The following MYOT variants were observed in gnomAD, a reference collection of about 807,000 sequenced individuals.
The protein encoded by MYOT is myotilin.
In MYOT, 36 loss-of-function variants were observed where a neutral mutation model predicts 58.0. The observed-to-expected ratio is 0.62, with a 90% CI of 0.48 to 0.82. The LOEUF is 0.82. MYOT is among the 40% of genes least tolerant of loss of function. The pLI, the probability that MYOT is intolerant of heterozygous loss-of-function variation, is 0.00. For synonymous variants in MYOT, 218 were observed against 204.6 expected, an observed-to-expected ratio of 1.07 and a Z score of -0.56; for missense variants, 505 against 592.1, an observed-to-expected ratio of 0.85 and a Z score of 1.53.
chr5:137,876,303 T>G, intron 3 of MYOT: 1 of 383,448 alleles, frequency 2.6e-6, no homozygotes. Flanking sequence ...TAGGAATTAC[T>G]GTCAAGTCAA....
intron 7 of MYOT, among the ~76,000 whole-genome samples, chr5:137,885,176 G>A (rs1021134765): frequency 1.3e-5 from 2 of 152,176 alleles, no homozygotes; most frequent in African/African-American, 4.8e-5. Flanking sequence ...CTCCCCTCAG[G>A]TAGCTGAAAA....
At chr5:137,880,965 C>T in intron 5 of MYOT, 100 bp downstream of exon 5, 1 of 870,142 alleles carries the variant, frequency 1.1e-6, no homozygotes, top group Non-Finnish European at 1.8e-6. Context: ...TACTCTATAC[C>T]TTTTGAAAAA....
At chr5:137,880,401 G>C (rs1045544627) in intron 4 of MYOT, among the ~76,000 whole-genome samples, 2 of 152,270 alleles carry the variant, frequency 1.3e-5, no homozygotes, top group African/African-American at 4.8e-5. Flanking sequence ...TGCCACTTTT[G>C]AGCAGCAGGC....
At chr5:137,881,018 T>G (rs1314751478) in intron 5 of MYOT, among the ~76,000 whole-genome samples, 153 bp downstream of exon 5, 1 of 152,212 alleles carries the variant, frequency 6.6e-6, no homozygotes, top group Non-Finnish European at 1.5e-5. Flanking sequence ...GACCAAAATT[T>G]TGACGTTCAT....
chr5:137,882,136 A>G (rs372932697), intron 6 of MYOT, 31 bp downstream of exon 6: 2 of 1,612,108 alleles, frequency 1.2e-6, no homozygotes, highest in East Asian at 4.5e-5. Flanking sequence ...TACTGGGGGA[A>G]AATTAACAAT....
intron 1 of MYOT, among the ~76,000 whole-genome samples, chr5:137,869,862 T>G (rs1213563866): frequency 6.6e-6 from 1 of 151,292 alleles, no homozygotes; most frequent in Non-Finnish European, 1.5e-5. Context: ...TAAGTGGCTC[T>G]GGAATGCAGC....
At chr5:137,886,820 G>A in intron 8 of MYOT, 44 bp from the exon 9 acceptor site, 1 of 1,404,782 alleles carries the variant, frequency 7.1e-7, no homozygotes, top group Non-Finnish European at 1.0e-6. Flanking sequence ...CCACTTCACA[G>A]AAATAATTCC....
chr5:137,873,278 G>C (rs1480567585), intron 2 of MYOT, among the ~76,000 whole-genome samples: 1 of 150,600 alleles, frequency 6.6e-6, no homozygotes. Context: ...TGTAATCCCA[G>C]CACTTTGGGA....
chr5:137,886,845 T>C lies in MYOT; in HGVS notation c.1191-19T>C. On this transcript the variant is annotated intron_variant, in intron 8 of 9. Transcript: ENST00000239926. ...GAAATAATTCCTGTACTTTCATTTC[T>C]TAAAAATTTTTATTTCAGCTTATAT... 1 of 1,508,224 alleles carries C rather than the reference T, an allele frequency of 6.6e-7. No homozygotes were observed. The highest frequency in any genetic ancestry group is 1.8e-4 in the Middle Eastern group (1 of 5,610). The allele number at this position is 1,508,224 out of a possible 1,614,324, so 93.4% of individuals were successfully genotyped here. A position where few individuals can be genotyped will look rare whatever the true frequency, so the allele number is the denominator to read the frequency against.
chr5:137,871,251 ATTAT>A (rs1382782143), intron 2 of MYOT, among the ~76,000 whole-genome samples: 1 of 152,172 alleles, frequency 6.6e-6, no homozygotes, highest in Non-Finnish European at 1.5e-5. Flanking sequence ...ACCCCATAAA[ATTAT>A]TTACCCATTA....
rs1217916415 is a variant in MYOT, at chr5:137,886,206, C to T, written c.1183C>T (p.Arg395Ter). The part of the protein sequence containing the change: ...NNEMVQFNTD[R>*]ISLYQDNTGR... Reference sequence around the variant, plus strand: ...TGAAATGGTACAATTCAACACTGACCGAATAAGGTAGGATATGTATTTCTA... The same window carrying T: ...TGAAATGGTACAATTCAACACTGACTGAATAAGGTAGGATATGTATTTCTA... The change falls in exon 8 of 10, where the codon CGA becomes TGA. Residue 395 changes from arginine to a stop codon, truncating the protein, a stop_gained. Coordinates refer to ENST00000239926, the MANE Select transcript of MYOT (RefSeq NM_006790.3). LOFTEE classifies it high-confidence loss of function. The T allele has an allele frequency of 7.5e-6, 12 of 1,607,190 alleles. No individual in the cohort carries two copies. Among genetic ancestry groups the T allele is most frequent in the Admixed American group, 1.7e-5 (1 of 59,916 alleles).
intron 2 of MYOT, among the ~76,000 whole-genome samples, chr5:137,875,624 C>T (rs192064444): frequency 4.6e-5 from 7 of 152,178 alleles, no homozygotes; most frequent in Non-Finnish European, 7.4e-5. Context: ...CTAAATTCTT[C>T]CTCCTGACAC....
At position 137,870,251 on chromosome 5, in the gene MYOT, G is replaced by A. The variant is rs1411493817; in HGVS notation, c.-211-190G>A. 2.0e-5 allele frequency among the ~76,000 whole-genome samples: 3 copies of A among 150,484 alleles called. No individual in the cohort carries two copies. In the Admixed American group the frequency reaches 2.0e-4, roughly 10 times the overall value. On this transcript the variant is annotated intron_variant, in intron 1 of 9. Transcript: ENST00000239926. ...TCGCTTGTGCCCAGGAGTTGGAGGGGCTACAGTGAGCTATGTTCGCCTGGG... is the reference window on the plus strand; with the variant it reads ...TCGCTTGTGCCCAGGAGTTGGAGGGACTACAGTGAGCTATGTTCGCCTGGG...
chr5:137,882,538 C>A (rs1046455481), intron 6 of MYOT, among the ~76,000 whole-genome samples: 1 of 151,912 alleles, frequency 6.6e-6, no homozygotes, highest in Non-Finnish European at 1.5e-5. Flanking sequence ...AACCTGTCTC[C>A]CAGGCTCAAG....
chr5:137,887,316 T>G lies in MYOT; in HGVS notation c.1428T>G (p.Ala476=). Residue 476 remains alanine, a synonymous_variant, in exon 10 of 10, where the codon GCT becomes GCG. Coordinates refer to ENST00000239926, the MANE Select transcript of MYOT (RefSeq NM_006790.3). ...LNGKGLNVKQ[A]FNPEGEFQRL... is the part of the protein sequence containing the mutation. The stretch of plus-strand genomic sequence containing the variant: ...GGAAAGGTTTGAATGTAAAACAAGC[T>G]TTTAACCCAGAAGGAGAATTTCAGC... 6.2e-7 allele frequency: 1 copy of G among 1,614,076 alleles called. No homozygotes were observed. The highest frequency in any genetic ancestry group is 8.5e-7 in the Non-Finnish European group (1 of 1,179,970).
chr5:137,885,953 T>G, intron 7 of MYOT, 95 bp from the exon 8 acceptor site: 1 of 828,856 alleles, frequency 1.2e-6, no homozygotes, highest in South Asian at 1.8e-5. Flanking sequence ...TTTTTAACAT[T>G]TTAATATCAA....
At chr5:137,884,495 A>T (rs1755534804) in intron 7 of MYOT, among the ~76,000 whole-genome samples, 1 of 152,226 alleles carries the variant, frequency 6.6e-6, no homozygotes, top group African/African-American at 2.4e-5. Flanking sequence ...TTATGTCTCA[A>T]ATCTGTCTTA....
chr5:137,881,724 TCTCA>T (rs1254377238), intron 5 of MYOT, among the ~76,000 whole-genome samples: 4 of 152,096 alleles, frequency 2.6e-5, no homozygotes, highest in Non-Finnish European at 5.9e-5. Context: ...TGAGACAGAC[TCTCA>T]CTCTGTCATC....
intron 7 of MYOT, among the ~76,000 whole-genome samples, chr5:137,883,886 A>T (rs1337157956): frequency 6.6e-6 from 1 of 152,226 alleles, no homozygotes; most frequent in Non-Finnish European, 1.5e-5. Flanking sequence ...CCAAATAATG[A>T]AGCATAAGCA....
Sources: allele counts gnomAD v4.1 joint callset (sites outside exome capture counted in the v4.1 genomes callset), GRCh38; gene constraint gnomAD v4.1.1; transcripts MANE v1.5; gene names NCBI Gene and HGNC (gene_info 2026-07-23, HGNC 2026-07-21).